INTS1: variants seen among roughly 807,000 people sequenced by gnomAD.
INTS1 encodes integrator complex subunit 1.
A neutral mutation model predicts 241.6 loss-of-function variants in INTS1; 137 were observed. That is an observed-to-expected ratio of 0.57 (90% confidence interval 0.49 to 0.65). The LOEUF is 0.65. Ranked by LOEUF, INTS1 falls within the 30% of genes least tolerant of loss-of-function variation. The pLI, the probability that INTS1 is intolerant of heterozygous loss-of-function variation, is 0.00. For synonymous variants in INTS1, 1,692 were observed against 1,337.8 expected, an observed-to-expected ratio of 1.26 and a Z score of -5.78; for missense variants, 3,073 against 3,032.2, an observed-to-expected ratio of 1.01 and a Z score of -0.32.
chr7:1,503,711 A>G (rs1783315876), intron 2 of INTS1, among the ~76,000 whole-genome samples, 192 bp downstream of exon 2: 1 of 152,166 alleles, frequency 6.6e-6, no homozygotes, highest in Non-Finnish European at 1.5e-5. Context: ...GGAAGTCGCC[A>G]CTGTCCCAAG....
rs202093005 is a variant in INTS1 at position 1,477,660 on chromosome 7, G to A, written c.4828C>T (p.Arg1610Trp). The change falls in exon 35 of 48, where the codon CGG becomes TGG. Residue 1610 changes from arginine (R) to tryptophan (W), a missense_variant. Physicochemically the swap from Arg to Trp is moderately radical, Grantham distance 101 (BLOSUM62 -3). Transcript: ENST00000404767. ...AGGAGGCCTGACGAGGGCCCCAGCC[G>A]CACGGCCTCCAGGCTGCAGGGAGAA... Reference protein sequence around the residue: ...GADGGSLEAVRLGPSSGLLVD... With the variant: ...GADGGSLEAVWLGPSSGLLVD... 27 of 1,593,604 alleles carry A rather than the reference G, an allele frequency of 1.7e-5. No homozygotes were observed. The highest frequency in any genetic ancestry group is 9.4e-5 in the African/African-American group (7 of 74,654).
Position 1,496,157 on chromosome 7 carries a change from C to CTTAA in INTS1, c.1709_1710insTTAA (p.Arg570SerfsTer2). The CTTAA allele has an allele frequency of 1.2e-6, 2 of 1,613,236 alleles. No homozygotes were observed. Among genetic ancestry groups the CTTAA allele is most frequent in the Non-Finnish European group, 1.7e-6 (2 of 1,179,282 alleles). ...GCCAGGCCACCCCCACATCCTTACTCCTCTTTTCTCCTTTGTCCCAGGCGA... is the reference window on the plus strand; with the variant it reads ...GCCAGGCCACCCCCACATCCTTACTCTTAACTCTTTTCTCCTTTGTCCCAGGCGA... On this transcript the variant is annotated stop_gained and frameshift_variant and splice_region_variant, in exon 12 of 48. Coordinates refer to ENST00000404767, the MANE Select transcript of INTS1 (RefSeq NM_001080453.3). LOFTEE classifies it high-confidence loss of function.
Position 1,493,780 on chromosome 7 carries a change from T to C in INTS1, c.2042A>G (p.Lys681Arg). The change falls in exon 15 of 48, where the codon AAG (lysine) becomes AGG (arginine). Residue 681 changes from lysine to arginine, a missense_variant. Physicochemically the swap from Lys to Arg is conservative, Grantham distance 26. Transcript: ENST00000404767. The surrounding 1 kb of genome is among the most constrained non-coding windows in gnomAD (Gnocchi z 5.3). ...ATCCGCCTGCACGGCAGCCGCCCGC[T>C]TCACCAGGTGGTCAGCAAGCTCCAT... is the stretch of plus-strand genomic sequence containing the variant. Reference protein sequence around the residue: ...DAMELADHLVKRAAAVQADDV... With the variant: ...DAMELADHLVRRAAAVQADDV... 6.3e-7 allele frequency: 1 copy of C among 1,579,260 alleles called. No individual in the cohort carries two copies. Among genetic ancestry groups the C allele is most frequent in the Non-Finnish European group, 8.6e-7 (1 of 1,164,072 alleles).
At chr7:1,491,671 CAGG>C (rs1308222191) in intron 16 of INTS1, among the ~76,000 whole-genome samples, 2 of 152,220 alleles carry the variant, frequency 1.3e-5, no homozygotes, top group Non-Finnish European at 2.9e-5. Context: ...GAGGTCAAAG[CAGG>C]AGGACTGCTT....
At position 1,489,697 on chromosome 7, in the gene INTS1, C is replaced by T. The variant is rs370923395; in HGVS notation, c.2166-15G>A. Reference sequence around the variant, plus strand: ...GAGGCTGGTACCTGGAAGGCAGGGGCGCCCCGACTCAGGCCCAGCGCACCA... The same window carrying T: ...GAGGCTGGTACCTGGAAGGCAGGGGTGCCCCGACTCAGGCCCAGCGCACCA... On this transcript the variant is annotated splice_polypyrimidine_tract_variant and intron_variant, in intron 16 of 47. Transcript: ENST00000404767. 4.7e-6 allele frequency: 7 copies of T among 1,488,534 alleles called. No homozygotes were observed. The highest frequency in any genetic ancestry group is 4.2e-5 in the African/African-American group (3 of 71,252). The allele number at this position is 1,488,534 out of a possible 1,614,324, so 92.2% of individuals were successfully genotyped here.
rs543218507 is a variant in INTS1 at position 1,497,633 on chromosome 7, C to T, written c.1426-319G>A. Among the ~76,000 whole-genome samples the T allele has an allele frequency of 5.9e-4, 90 of 152,344 alleles. 1 individual carries two copies. Among genetic ancestry groups the T allele is most frequent in the African/African-American group, 2.0e-3 (85 of 41,590 alleles). On this transcript the variant is annotated intron_variant, in intron 10 of 47. Transcript: ENST00000404767. This position sits in a 1 kb window ranked among gnomAD's most constrained non-coding sequence, Gnocchi z 5.3. ...AGCGCGTGTGCCATCTCAGCCCACCCGTGCGCCACGGGCTGAACGGAAACC... is the reference window on the plus strand; with the variant it reads ...AGCGCGTGTGCCATCTCAGCCCACCTGTGCGCCACGGGCTGAACGGAAACC...
intron 16 of INTS1, among the ~76,000 whole-genome samples, chr7:1,492,574 C>T (rs561282751): frequency 2.0e-5 from 3 of 152,180 alleles, no homozygotes; most frequent in East Asian, 1.9e-4. Flanking sequence ...TTAGATAACA[C>T]GTACATGAAT....
chr7:1,498,930 G>GCCC, intron 8 of INTS1, 45 bp downstream of exon 8: 2 of 1,460,184 alleles, frequency 1.4e-6, no homozygotes, highest in Non-Finnish European at 1.9e-6. Flanking sequence ...CACAGAGCCT[G>GCCC]CCCCCACCCC....
chr7:1,478,986 G>A (rs991108383), intron 31 of INTS1, 101 bp from the exon 32 acceptor site: 23 of 1,339,502 alleles, frequency 1.7e-5, no homozygotes, highest in African/African-American at 2.9e-5. Context: ...GAGACCTGCC[G>A]CGACCGGCAC....
Position 1,503,248 on chromosome 7 carries a change from G to A in INTS1, c.59-57C>T, listed in dbSNP as rs1783284523. The A allele has an allele frequency of 8.8e-6, 13 of 1,484,918 alleles. No individual in the cohort carries two copies. In the South Asian group the frequency reaches 1.3e-4, roughly 15 times the overall value. 92.0% of individuals were successfully genotyped at this position (1,484,918 alleles called of 1,614,324 possible). A position where few individuals can be genotyped will look rare whatever the true frequency, so the allele number is the denominator to read the frequency against. ...ATTTGCAACACCCAAGATGGAAAAAGACTGACTCTAACCTCCTGTTATGTC... is the reference window on the plus strand; with the variant it reads ...ATTTGCAACACCCAAGATGGAAAAAAACTGACTCTAACCTCCTGTTATGTC... On this transcript the variant is annotated intron_variant, in intron 2 of 47. Transcript: ENST00000404767.
intron 16 of INTS1, among the ~76,000 whole-genome samples, chr7:1,490,487 G>A (rs1782496753): frequency 6.6e-6 from 1 of 152,180 alleles, no homozygotes; most frequent in South Asian, 2.1e-4. Flanking sequence ...CGGATAAACG[G>A]GAACCCCTGA....
intron 44 of INTS1, 161 bp downstream of exon 44, chr7:1,472,112 C>G: frequency 1.6e-6 from 1 of 624,440 alleles, no homozygotes. Flanking sequence ...AAGGCCCTCT[C>G]TGGGGGTGCT....
intron 33 of INTS1, 104 bp downstream of exon 33, chr7:1,478,262 G>A (rs917814978): frequency 3.0e-6 from 4 of 1,319,586 alleles, no homozygotes; most frequent in Non-Finnish European, 3.2e-6. Context: ...CGGGGACAGT[G>A]CTGAGCAGAC....
rs757579147 is a variant in INTS1 at position 1,474,736 on chromosome 7, G to A, written c.5605C>T (p.Leu1869=). Residue 1869 remains leucine, a synonymous_variant, in exon 40 of 48, where the codon CTG becomes TTG. Transcript: ENST00000404767. The part of the protein sequence containing the change: ...GADASMACRK[L]AVAHPLLLLR... ...AGCAGCAGCGGGTGCGCCACCGCCA[G>A]CTTCCGGCAGGCCATGCTGGCATCC... 6.4e-7 allele frequency: 1 copy of A among 1,563,058 alleles called. No individual in the cohort carries two copies. The highest frequency in any genetic ancestry group is 1.9e-5 in the Admixed American group (1 of 52,750).
chr7:1,499,228 A>G lies in INTS1; in HGVS notation c.950+27T>C, dbSNP rs1307350941. ...GAGGCGCCCGCCCCCGCCGCCCCCA[A>G]CTGGGACCGGGCAGGCACGCAGCTA... On this transcript the variant is annotated intron_variant, in intron 7 of 47. Transcript: ENST00000404767. The G allele has an allele frequency of 1.9e-6, 3 of 1,607,476 alleles. No homozygotes were observed. In the African/African-American group the frequency reaches 4.0e-5, roughly 21 times the overall value.
At position 1,498,460 on chromosome 7, in the gene INTS1, C is replaced by T; in HGVS notation, c.1377G>A (p.Met459Ile). The change falls in exon 10 of 48, where the codon ATG (methionine) becomes ATA (isoleucine). Residue 459 changes from methionine to isoleucine, a missense_variant. By Grantham distance (10) the Met-to-Ile change is conservative. Transcript: ENST00000404767. ...ELSSARNPNN[M>I]QVLYTALQHS... ...GCTGCAGTGCGGTATAGAGGACCTG[C>T]ATGTTGTTCGGGTTCCGGGCGCTGG... The T allele has an allele frequency of 6.2e-7, 1 of 1,613,922 alleles. No individual in the cohort carries two copies. Among genetic ancestry groups the T allele is most frequent in the Non-Finnish European group, 8.5e-7 (1 of 1,179,874 alleles).
At chr7:1,488,328 G>A (rs1020608587) in intron 18 of INTS1, among the ~76,000 whole-genome samples, 4 of 152,146 alleles carry the variant, frequency 2.6e-5, no homozygotes, top group East Asian at 1.9e-4. Flanking sequence ...CCCCATCCAG[G>A]GACAGACCTG....
At chr7:1,480,570 C>G in intron 29 of INTS1, 129 bp from the exon 30 acceptor site, 1 of 1,070,056 alleles carries the variant, frequency 9.3e-7, no homozygotes, top group Non-Finnish European at 1.3e-6. Flanking sequence ...GACCTGGGCT[C>G]TGTGTTCCCC....
In INTS1 at chr7:1,481,270, C is replaced by T; in HGVS notation, c.3850+72G>A. 6.4e-7 allele frequency: 1 copy of T among 1,573,114 alleles called. No homozygotes were observed. Among genetic ancestry groups the T allele is most frequent in the Non-Finnish European group, 8.7e-7 (1 of 1,149,402 alleles). ...GATCACCCACCCGCTCGCACCCAGG[C>T]CCCAAAAGCCTGGCCGGGCTGGGGC... On this transcript the variant is annotated intron_variant, in intron 28 of 47. Transcript: ENST00000404767. The surrounding 1 kb of genome is among the most constrained non-coding windows in gnomAD (Gnocchi z 6.8).
Sources: gnomAD v4.1 joint callset for allele counts (sites outside exome capture counted in the v4.1 genomes callset) on GRCh38, gnomAD v4.1.1 for gene constraint, Gnocchi (gnomAD v3.1) non-coding constraint, MANE v1.5 for transcripts, NCBI Gene and HGNC (gene_info 2026-07-23, HGNC 2026-07-21) for gene names.